SDK1: variants seen among roughly 807,000 people sequenced by gnomAD.
SDK1 encodes the protein protein sidekick-1.
A neutral mutation model predicts 245.5 loss-of-function variants in SDK1; 157 were observed. The observed-to-expected ratio is 0.64, with a 90% CI of 0.56 to 0.73. The LOEUF is 0.73. Ranked by LOEUF, SDK1 falls within the 30% of genes least tolerant of loss-of-function variation. The pLI is 0.00. For missense variants in SDK1, 3,583 were observed against 3,002.3 expected, an observed-to-expected ratio of 1.19 and a Z score of -4.52; for synonymous variants, 1,647 against 1,278.5, an observed-to-expected ratio of 1.29 and a Z score of -6.15.
At chr7:4,055,281 G>A (rs1779125318) in intron 19 of SDK1, among the ~76,000 whole-genome samples, 1 of 152,144 alleles carries the variant, frequency 6.6e-6, no homozygotes, top group South Asian at 2.1e-4. Flanking sequence ...ATGGTTTTAG[G>A]ACTATCCAGG....
intron 4 of SDK1, among the ~76,000 whole-genome samples, chr7:3,721,610 C>G (rs75346372): frequency 2.2e-4 from 33 of 152,288 alleles, no homozygotes; most frequent in African/African-American, 7.9e-4. Flanking sequence ...CTCTTCTGCT[C>G]TAACCAGGCA....
At chr7:3,983,088 T>C (rs1783543561) in intron 13 of SDK1, among the ~76,000 whole-genome samples, 1 of 152,142 alleles carries the variant, frequency 6.6e-6, no homozygotes, top group African/African-American at 2.4e-5. Flanking sequence ...TTGCTTCTTA[T>C]AGATGAGCAA....
chr7:3,393,697 T>G (rs945041269), intron 1 of SDK1, among the ~76,000 whole-genome samples: 5 of 152,196 alleles, frequency 3.3e-5, no homozygotes, highest in African/African-American at 1.2e-4. Context: ...CTTGATTCTT[T>G]TTAATTATTT....
At chr7:3,647,580 C>G (rs114590232) in intron 4 of SDK1, among the ~76,000 whole-genome samples, 5,617 of 152,192 alleles carry the variant, frequency 0.037, 321 homozygotes, top group African/African-American at 0.12. Flanking sequence ...GCGTGCGCCA[C>G]TATGCCTGGC....
At chr7:3,637,584 T>G (rs1782504724) in intron 2 of SDK1, among the ~76,000 whole-genome samples, 1 of 152,236 alleles carries the variant, frequency 6.6e-6, no homozygotes, top group African/African-American at 2.4e-5. Flanking sequence ...GCTGGTGGAT[T>G]TTAAAACATC....
At chr7:4,206,204 C>T (rs965151863) in intron 36 of SDK1, among the ~76,000 whole-genome samples, 1 of 152,234 alleles carries the variant, frequency 6.6e-6, no homozygotes, top group Non-Finnish European at 1.5e-5. Context: ...AGGCTCACTG[C>T]ACACCTGGCT....
At chr7:3,597,451 T>C (rs1007783907) in intron 1 of SDK1, among the ~76,000 whole-genome samples, 2 of 151,932 alleles carry the variant, frequency 1.3e-5, no homozygotes, top group Admixed American at 1.3e-4. Context: ...GAACAGTGGG[T>C]TTTGTAAGAT....
intron 35 of SDK1, among the ~76,000 whole-genome samples, chr7:4,179,905 G>A (rs758109984): frequency 7.9e-5 from 12 of 151,950 alleles, no homozygotes; most frequent in Non-Finnish European, 1.3e-4. Flanking sequence ...AAGGAGGGCC[G>A]GGAACTACAG....
intron 5 of SDK1, among the ~76,000 whole-genome samples, chr7:3,860,265 C>A (rs1250218048): frequency 6.6e-6 from 1 of 151,972 alleles, no homozygotes; most frequent in Non-Finnish European, 1.5e-5. Flanking sequence ...AAAAGACAGA[C>A]TGGAAGAAAA....
intron 14 of SDK1, among the ~76,000 whole-genome samples, chr7:4,004,007 G>T (rs915199143): frequency 6.6e-6 from 1 of 152,240 alleles, no homozygotes; most frequent in Non-Finnish European, 1.5e-5. Flanking sequence ...GAGCATTAAT[G>T]GAGAGTGGAG....
chr7:4,237,644 C>T lies in SDK1; in HGVS notation c.5993-3C>T. 1.2e-6 allele frequency: 2 copies of T among 1,614,038 alleles called. 1 individual carries two copies. The highest frequency in any genetic ancestry group is 1.7e-6 in the Non-Finnish European group (2 of 1,180,036). On this transcript the variant is annotated splice_polypyrimidine_tract_variant and splice_region_variant and intron_variant, in intron 41 of 44. Coordinates refer to ENST00000404826, the MANE Select transcript of SDK1 (RefSeq NM_152744.4). ...TCATTGTGTGTCCGTGTCTTTTCCA[C>T]AGCTCAAGTGGAAGCCCCATTCTAC...
At chr7:3,364,730 CT>C (rs2128561557) in intron 1 of SDK1, among the ~76,000 whole-genome samples, 1 of 152,054 alleles carries the variant, frequency 6.6e-6, no homozygotes, top group African/African-American at 2.4e-5. Flanking sequence ...CCTTTATTTT[CT>C]TTTTCAAAAT....
At chr7:3,844,766 AGTC>A (rs1372645224) in intron 5 of SDK1, among the ~76,000 whole-genome samples, 1 of 152,190 alleles carries the variant, frequency 6.6e-6, no homozygotes, top group African/African-American at 2.4e-5. Context: ...TGGAGACAGA[AGTC>A]AGACCTGTGA....
At chr7:3,466,303 G>A (rs1357311) in intron 1 of SDK1, among the ~76,000 whole-genome samples, 87,010 of 150,786 alleles carry the variant, frequency 0.58, 25,121 homozygotes, top group Admixed American at 0.59. Flanking sequence ...GACCTCACAA[G>A]TGAGATGTTC....
At chr7:3,722,382 G>T (rs941974168) in intron 4 of SDK1, among the ~76,000 whole-genome samples, 5 of 152,158 alleles carry the variant, frequency 3.3e-5, no homozygotes, top group African/African-American at 1.2e-4. Flanking sequence ...CAGCCGCAAG[G>T]AAGGGGCACC....
chr7:4,238,668 C>T (rs1786334446), intron 42 of SDK1, among the ~76,000 whole-genome samples: 1 of 151,876 alleles, frequency 6.6e-6, no homozygotes, highest in Admixed American at 6.6e-5. Flanking sequence ...CCTGCCTCAG[C>T]CTCCCCAGTA....
chr7:4,234,797 G>T (rs980945320), intron 41 of SDK1, among the ~76,000 whole-genome samples: 16 of 152,348 alleles, frequency 1.1e-4, no homozygotes, highest in Admixed American at 9.1e-4. Context: ...GCGCTGGGGG[G>T]TTCAGAGAGG....
chr7:4,268,178 C>T lies in SDK1; in HGVS notation c.*2794C>T, dbSNP rs902759537. 13 of 987,028 alleles carry T rather than the reference C, an allele frequency of 1.3e-5. No individual in the cohort carries two copies. Among genetic ancestry groups the T allele is most frequent in the African/African-American group, 1.7e-5 (1 of 57,278 alleles). 61.1% of individuals were successfully genotyped at this position (987,028 alleles called of 1,614,324 possible). Reference sequence around the variant, plus strand: ...ACAGCAGTGGCTGAGTCTCCCCACCCACCCCCAACGTGGCTCATTTCAGAT... The same window carrying T: ...ACAGCAGTGGCTGAGTCTCCCCACCTACCCCCAACGTGGCTCATTTCAGAT... On this transcript the variant is annotated 3_prime_UTR_variant, in exon 45 of 45. Coordinates refer to ENST00000404826, the MANE Select transcript of SDK1 (RefSeq NM_152744.4).
intron 2 of SDK1, among the ~76,000 whole-genome samples, chr7:3,634,668 A>G (rs1020849224): frequency 3.3e-5 from 5 of 152,374 alleles, no homozygotes; most frequent in East Asian, 3.9e-4. Flanking sequence ...TAGACTTACA[A>G]TGAATATTCC....
Sources: gnomAD v4.1 joint callset for allele counts (sites outside exome capture counted in the v4.1 genomes callset) on GRCh38, gnomAD v4.1.1 for gene constraint, MANE v1.5 for transcripts, NCBI Gene and HGNC (gene_info 2026-07-23, HGNC 2026-07-21) for gene names.